Variants in PDCD11 observed in about 807,000 individuals in gnomAD.
The protein encoded by PDCD11 is programmed cell death 11.
A neutral mutation model predicts 198.9 loss-of-function variants in PDCD11; 97 were observed. The observed-to-expected ratio is 0.49, with a 90% CI of 0.41 to 0.58. The LOEUF is 0.58. Among genes scored for constraint, PDCD11 ranks in the 20% least tolerant of loss-of-function variants. The probability of loss-of-function intolerance (pLI) is 0.00; values close to 1 mark genes in which losing one functional copy is unlikely to be tolerated. For synonymous variants in PDCD11, 893 were observed against 918.0 expected (o/e 0.97, Z 0.49); for missense variants, 2,102 against 2,312.7 (o/e 0.91, Z 1.87).
intron 21 of PDCD11, among the ~76,000 whole-genome samples, chr10:103,431,320 G>A (rs146188616): frequency 3.9e-5 from 6 of 152,192 alleles, no homozygotes; most frequent in African/African-American, 7.2e-5. Context: ...GCTGAGTGCC[G>A]TGGCTGACAT....
chr10:103,440,895 G>A, intron 30 of PDCD11, 45 bp downstream of exon 30: 1 of 1,358,004 alleles, frequency 7.4e-7, no homozygotes, highest in South Asian at 1.3e-5. Context: ...CCAGGCAAGG[G>A]AAGAGCTGGG....
intron 8 of PDCD11, among the ~76,000 whole-genome samples, chr10:103,410,292 G>A (rs2030718200): frequency 6.6e-6 from 1 of 151,150 alleles, no homozygotes; most frequent in South Asian, 2.1e-4. Context: ...TGGCTGAACT[G>A]AAATTAGAGA....
At chr10:103,441,014 T>C (rs2032366296) in intron 30 of PDCD11, among the ~76,000 whole-genome samples, 164 bp downstream of exon 30, 1 of 152,182 alleles carries the variant, frequency 6.6e-6, no homozygotes, top group Non-Finnish European at 1.5e-5. Context: ...GGACCCTTTT[T>C]ACCCAGAGCA....
chr10:103,439,130 G>T (rs929016673), intron 27 of PDCD11, among the ~76,000 whole-genome samples: 9 of 152,132 alleles, frequency 5.9e-5, no homozygotes, highest in Admixed American at 5.2e-4. Context: ...TTGAAGGCCA[G>T]GAGTTCAAGA....
intron 17 of PDCD11, among the ~76,000 whole-genome samples, chr10:103,421,924 G>A (rs1217540465): frequency 3.5e-5 from 5 of 141,478 alleles, no homozygotes; most frequent in East Asian, 2.1e-4. Flanking sequence ...CCGAGATTGC[G>A]TCACTGCAGC....
chr10:103,425,390 A>G lies in PDCD11; in HGVS notation c.3170A>G (p.Asp1057Gly). The G allele has an allele frequency of 6.2e-7, 1 of 1,614,116 alleles. No homozygotes were observed. Among genetic ancestry groups the G allele is most frequent in the Non-Finnish European group, 8.5e-7 (1 of 1,180,026 alleles). ...KPTHVVVTLE[D>G]GIIGCIHASH... ...ACCCATGTGGTTGTGACTCTGGAAG[A>G]TGGCATTATTGGCTGTATCCATGCC... Residue 1057 changes from aspartate to glycine, a missense_variant, in exon 20 of 36, where the codon GAT becomes GGT. By Grantham distance (94) the Asp-to-Gly change is moderately conservative. Coordinates refer to ENST00000369797, the MANE Select transcript of PDCD11 (RefSeq NM_014976.2).
chr10:103,414,212 G>A, intron 10 of PDCD11, 58 bp from the exon 11 acceptor site: 3 of 1,586,090 alleles, frequency 1.9e-6, no homozygotes, highest in Non-Finnish European at 2.6e-6. Flanking sequence ...TGGTAGCCCT[G>A]AATTTTAGGC....
In PDCD11 at chr10:103,416,687, ATGAGCTCAGTAC is replaced by A; in HGVS notation, c.1720_1731del (p.Leu574_Glu577del). On this transcript the variant is annotated inframe_deletion, in exon 13 of 36. Coordinates refer to ENST00000369797, the MANE Select transcript of PDCD11 (RefSeq NM_014976.2). ...AATGTGCAGGGACTGGTGCCCAAGC[ATGAGCTCAGTAC>A]TGAGTATATCCCTGACCCGGAGAGA... The A allele has an allele frequency of 6.2e-7, 1 of 1,614,258 alleles. No individual in the cohort carries two copies. The highest frequency in any genetic ancestry group is 8.5e-7 in the Non-Finnish European group (1 of 1,180,048).
At chr10:103,438,529 T>C (rs1158367488) in intron 26 of PDCD11, among the ~76,000 whole-genome samples, 157 bp from the exon 27 acceptor site, 1 of 152,146 alleles carries the variant, frequency 6.6e-6, no homozygotes. Context: ...CCTGGCAAGA[T>C]GTTAGGAGAG....
intron 6 of PDCD11, 140 bp downstream of exon 6, chr10:103,406,248 C>T: frequency 1.1e-6 from 1 of 941,278 alleles, no homozygotes; most frequent in South Asian, 1.7e-5. Flanking sequence ...GCACTTAATC[C>T]TAGTTAATAG....
chr10:103,413,233 G>T lies in PDCD11; in HGVS notation c.1096G>T (p.Ala366Ser), dbSNP rs746527752. ...CCGACTCTCTTGCCAGAACCTTGGAGCAGTGCTGGATGATGTTCCTGTCCA... is the reference window on the plus strand; with the variant it reads ...CCGACTCTCTTGCCAGAACCTTGGATCAGTGCTGGATGATGTTCCTGTCCA... ...LTRLSCQNLG[A>S]VLDDVPVQGF... is the part of the protein sequence containing the mutation. The change falls in exon 9 of 36, where the codon GCA becomes TCA. Residue 366 changes from alanine (A) to serine (S), a missense_variant. Ala to Ser is a moderately conservative substitution (Grantham distance 99). Coordinates refer to ENST00000369797, the MANE Select transcript of PDCD11 (RefSeq NM_014976.2). The T allele has an allele frequency of 1.5e-4, 250 of 1,614,004 alleles. No homozygotes were observed. The highest frequency in any genetic ancestry group is 2.0e-4 in the Non-Finnish European group (235 of 1,179,988).
At chr10:103,419,202 G>T (rs953357338) in intron 15 of PDCD11, among the ~76,000 whole-genome samples, 2 of 152,170 alleles carry the variant, frequency 1.3e-5, no homozygotes, top group Non-Finnish European at 2.9e-5. Flanking sequence ...AGACCAGGGG[G>T]ATGAGCCATC....
rs756336218 is a variant in PDCD11 at position 103,438,818 on chromosome 10, G to C, written c.4025+10G>C. The C allele has an allele frequency of 2.5e-6, 4 of 1,613,426 alleles. No individual in the cohort carries two copies. The East Asian group carries it at 6.7e-5, about 27-fold the overall frequency. ...ACGGTGTGTTCTTTCGGTGAGTGAG[G>C]GGGGCTCTGCACCCGGACCCAAGTG... On this transcript the variant is annotated intron_variant, in intron 27 of 35. Coordinates refer to ENST00000369797, the MANE Select transcript of PDCD11 (RefSeq NM_014976.2).
chr10:103,424,498 T>C (rs2031596178), intron 19 of PDCD11, among the ~76,000 whole-genome samples: 1 of 152,170 alleles, frequency 6.6e-6, no homozygotes, highest in Non-Finnish European at 1.5e-5. Context: ...ATGAGCACAA[T>C]TTGGATTTTG....
Position 103,418,534 on chromosome 10 carries a change from T to C in PDCD11, c.2006T>C (p.Leu669Pro). The C allele has an allele frequency of 6.2e-7, 1 of 1,614,226 alleles. No homozygotes were observed. ...CGTGCTTTCCTCCCCACATCTCATC[T>C]GTCGGACCACGTTGCCAACGGCCCA... is the stretch of plus-strand genomic sequence containing the variant. ...NIRAFLPTSH[L>P]SDHVANGPLL... is the part of the protein sequence containing the mutation. Residue 669 changes from leucine to proline, a missense_variant, in exon 15 of 36, where the codon CTG (leucine) becomes CCG (proline). By Grantham distance (98) the Leu-to-Pro change is moderately conservative. Transcript: ENST00000369797.
intron 22 of PDCD11, 64 bp from the exon 23 acceptor site, chr10:103,433,884 A>G: frequency 7.7e-7 from 1 of 1,305,726 alleles, no homozygotes. Context: ...GTTTTAGGAA[A>G]GTTTTAATGG....
intron 1 of PDCD11, 120 bp from the exon 2 acceptor site, chr10:103,398,296 G>A (rs2093448004): frequency 1.5e-6 from 1 of 663,138 alleles, no homozygotes; most frequent in Non-Finnish European, 2.8e-6. Context: ...CATCTATGTT[G>A]TAGTCCTGAA....
chr10:103,430,589 A>G (rs894583486), intron 21 of PDCD11, among the ~76,000 whole-genome samples: 2 of 150,932 alleles, frequency 1.3e-5, no homozygotes, highest in African/African-American at 4.9e-5. Flanking sequence ...TCAACTGTGC[A>G]CAAAGGTTTC....
At chr10:103,406,904 C>G (rs2030488975) in intron 7 of PDCD11, 114 bp downstream of exon 7, 1 of 773,784 alleles carries the variant, frequency 1.3e-6, no homozygotes, top group African/African-American at 1.8e-5. Flanking sequence ...TCACTTACGC[C>G]CATTGAGCAT....
Sources: allele counts gnomAD v4.1 joint callset (sites outside exome capture counted in the v4.1 genomes callset), GRCh38; gene constraint gnomAD v4.1.1; transcripts MANE v1.5; gene names NCBI Gene and HGNC (gene_info 2026-07-23, HGNC 2026-07-21).